GLIS1: variants seen among roughly 807,000 people sequenced by gnomAD.
The protein encoded by GLIS1 is zinc finger protein GLIS1.
A neutral mutation model predicts 63.8 loss-of-function variants in GLIS1; 24 were observed. The ratio of observed to expected loss-of-function variants is 0.38; its 90% CI spans 0.27 to 0.53. The LOEUF (loss-of-function observed/expected upper bound fraction) is 0.53, where lower values mean the gene tolerates loss of function less well. Ranked by LOEUF, GLIS1 falls within the 20% of genes least tolerant of loss-of-function variation. The pLI, the probability that GLIS1 is intolerant of heterozygous loss-of-function variation, is 0.85. For synonymous variants in GLIS1, 450 were observed against 482.5 expected, an observed-to-expected ratio of 0.93 and a Z score of 0.88; for missense variants, 1,036 against 1,074.1, an observed-to-expected ratio of 0.96 and a Z score of 0.50.
intron 2 of GLIS1, among the ~76,000 whole-genome samples, chr1:53,718,632 T>A (rs1646723096): frequency 6.6e-6 from 1 of 151,982 alleles, no homozygotes; most frequent in Non-Finnish European, 1.5e-5. Flanking sequence ...AGCTTTACCA[T>A]CTCCAGCCCA....
chr1:53,620,894 G>C (rs1377207932), intron 2 of GLIS1, among the ~76,000 whole-genome samples: 1 of 152,216 alleles, frequency 6.6e-6, no homozygotes, highest in Non-Finnish European at 1.5e-5. Context: ...ATCTGAGAAA[G>C]AGAAATGGGC....
chr1:53,562,336 C>T (rs546790454), intron 4 of GLIS1, among the ~76,000 whole-genome samples: 3 of 152,218 alleles, frequency 2.0e-5, no homozygotes, highest in Admixed American at 2.0e-4. Flanking sequence ...AACAGGACAC[C>T]AAGATTTTCA....
intron 2 of GLIS1, among the ~76,000 whole-genome samples, chr1:53,719,605 G>T (rs1646733156): frequency 6.6e-6 from 1 of 152,188 alleles, no homozygotes; most frequent in Admixed American, 6.5e-5. Flanking sequence ...AGTCCTAGTG[G>T]TGCACCACTT....
chr1:53,654,430 G>A (rs1645942368), intron 2 of GLIS1, among the ~76,000 whole-genome samples: 1 of 152,162 alleles, frequency 6.6e-6, no homozygotes, highest in African/African-American at 2.4e-5. Flanking sequence ...GTGCCGCCTG[G>A]GTGTCCACAT....
At chr1:53,650,462 C>T (rs900556682) in intron 2 of GLIS1, among the ~76,000 whole-genome samples, 21 of 152,014 alleles carry the variant, frequency 1.4e-4, no homozygotes, top group Non-Finnish European at 2.1e-4. Context: ...TGGTGGCACA[C>T]GCCTCTAGTC....
chr1:53,735,709 G>C (rs1395739425), intron 2 of GLIS1, among the ~76,000 whole-genome samples: 9 of 152,144 alleles, frequency 5.9e-5, no homozygotes. Context: ...CAATAAGCCT[G>C]AGAACTTGGA....
At chr1:53,521,094 G>A (rs372835930) in intron 6 of GLIS1, among the ~76,000 whole-genome samples, 22 of 152,282 alleles carry the variant, frequency 1.4e-4, no homozygotes, top group African/African-American at 4.6e-4. Flanking sequence ...GGGAGCCTCC[G>A]GGACAGGGAC....
intron 4 of GLIS1, among the ~76,000 whole-genome samples, chr1:53,543,515 A>G (rs886556377): frequency 1.6e-4 from 24 of 152,184 alleles, no homozygotes; most frequent in African/African-American, 5.8e-4. Flanking sequence ...CTGATAGCAA[A>G]CCCCTGGCCC....
chr1:53,656,643 A>T (rs1207815503), intron 2 of GLIS1, among the ~76,000 whole-genome samples: 1 of 152,268 alleles, frequency 6.6e-6, no homozygotes. Flanking sequence ...CTGCAGATTT[A>T]TTGGACTTCT....
chr1:53,634,563 C>T (rs1279580998), intron 2 of GLIS1, among the ~76,000 whole-genome samples: 1 of 152,056 alleles, frequency 6.6e-6, no homozygotes, highest in Non-Finnish European at 1.5e-5. Flanking sequence ...GAGGGTGGAG[C>T]GAGGAGGGCC....
At chr1:53,660,241 G>C (rs945628370) in intron 2 of GLIS1, among the ~76,000 whole-genome samples, 5 of 152,140 alleles carry the variant, frequency 3.3e-5, no homozygotes, top group African/African-American at 1.2e-4. Flanking sequence ...CTTGCAAGAT[G>C]AGCTCATTTC....
intron 2 of GLIS1, among the ~76,000 whole-genome samples, chr1:53,721,699 TAA>T (rs1177733546): frequency 6.6e-6 from 1 of 152,128 alleles, no homozygotes; most frequent in Non-Finnish European, 1.5e-5. Context: ...TTGCTAAAAA[TAA>T]AAGTTTATTT....
At chr1:53,614,155 A>G (rs954799322) in intron 2 of GLIS1, among the ~76,000 whole-genome samples, 4 of 152,248 alleles carry the variant, frequency 2.6e-5, no homozygotes, top group African/African-American at 9.6e-5. Flanking sequence ...GTGATGAATG[A>G]GAAAGGAAAG....
At chr1:53,541,265 C>T (rs748834067) in intron 4 of GLIS1, among the ~76,000 whole-genome samples, 1 of 152,218 alleles carries the variant, frequency 6.6e-6, no homozygotes, top group Non-Finnish European at 1.5e-5. Flanking sequence ...GCAAATAGTT[C>T]CTAAGGTTAC....
At position 53,646,950 on chromosome 1, in the gene GLIS1, GGGAAGGGAAGGAAA is replaced by G. The variant is rs202139365; in HGVS notation, c.260-46686_260-46673del. ...GAAGGAAAGAAGGAAGGAAAGGGAA[GGGAAGGGAAGGAAA>G]GGAAGGAAAGGAAGGAAAGGAAGGA... is the stretch of plus-strand genomic sequence containing the variant. On this transcript the variant is annotated intron_variant, in intron 2 of 10. Transcript: ENST00000628545. This position sits in a 1 kb window ranked among gnomAD's most constrained non-coding sequence, Gnocchi z 4.2. 0.15 allele frequency among the ~76,000 whole-genome samples: 22,173 copies of G among 145,982 alleles called. 2,044 individuals are homozygous for G. Among genetic ancestry groups the G allele is most frequent in the South Asian group, 0.26 (1,178 of 4,464 alleles).
chr1:53,595,697 C>T (rs559873531), intron 3 of GLIS1, among the ~76,000 whole-genome samples: 1 of 152,340 alleles, frequency 6.6e-6, no homozygotes, highest in South Asian at 2.1e-4. Flanking sequence ...TTAAATTCCA[C>T]TTACATGTCC....
intron 7 of GLIS1, among the ~76,000 whole-genome samples, chr1:53,516,690 G>C (rs1644356292): frequency 6.6e-6 from 1 of 152,052 alleles, no homozygotes; most frequent in African/African-American, 2.4e-5. Context: ...GCATGCACCT[G>C]TAATCCCAGC....
intron 4 of GLIS1, among the ~76,000 whole-genome samples, chr1:53,576,927 C>T (rs2100482991): frequency 6.6e-6 from 1 of 152,148 alleles, no homozygotes; most frequent in South Asian, 2.1e-4. Flanking sequence ...TAACAAGGCC[C>T]AGGTTCCCTC....
chr1:53,728,580 A>T (rs753846327), intron 2 of GLIS1, among the ~76,000 whole-genome samples: 2 of 152,160 alleles, frequency 1.3e-5, no homozygotes, highest in Non-Finnish European at 2.9e-5. Context: ...CTCAATCAGC[A>T]CCCTATACAT....
Sources: gnomAD v4.1 joint callset for allele counts (sites outside exome capture counted in the v4.1 genomes callset) on GRCh38, gnomAD v4.1.1 for gene constraint, Gnocchi (gnomAD v3.1) non-coding constraint, MANE v1.5 for transcripts, NCBI Gene and HGNC (gene_info 2026-07-23, HGNC 2026-07-21) for gene names.